CNBD1: variants seen among roughly 807,000 people sequenced by gnomAD.
CNBD1 encodes cyclic nucleotide binding domain containing 1.
Under a neutral mutation model 54.4 loss-of-function variants are expected in CNBD1, and 71 were observed. The observed-to-expected ratio is 1.30, with a 90% CI of 1.08 to 1.59. The LOEUF is 1.59. CNBD1 is among the 40% of genes most tolerant of loss of function. The probability of loss-of-function intolerance (pLI) is 0.00; values close to 1 mark genes in which losing one functional copy is unlikely to be tolerated. For synonymous variants in CNBD1, 182 were observed against 170.7 expected (o/e 1.07, Z -0.51); for missense variants, 659 against 518.0 (o/e 1.27, Z -2.64).
At chr8:87,055,855 C>T (rs1330889325) in intron 4 of CNBD1, among the ~76,000 whole-genome samples, 2 of 143,044 alleles carry the variant, frequency 1.4e-5, no homozygotes, top group Non-Finnish European at 3.1e-5. Context: ...CTTCCTCCCT[C>T]CCTCCCTCCT....
At chr8:87,148,952 A>G (rs1812544930) in intron 4 of CNBD1, among the ~76,000 whole-genome samples, 1 of 152,174 alleles carries the variant, frequency 6.6e-6, no homozygotes, top group African/African-American at 2.4e-5. Flanking sequence ...TGATGAAACA[A>G]TTCATTTCAC....
intron 4 of CNBD1, among the ~76,000 whole-genome samples, chr8:87,073,752 GC>G (rs1229731221): frequency 6.6e-6 from 1 of 152,056 alleles, no homozygotes; most frequent in Admixed American, 6.5e-5. Context: ...GTGTCTGGAG[GC>G]CCCCAATGAG....
At chr8:87,419,304 G>C (rs1807886506) in intron 2 of CNBD1, among the ~76,000 whole-genome samples, 1 of 151,836 alleles carries the variant, frequency 6.6e-6, no homozygotes, top group Non-Finnish European at 1.5e-5. Context: ...CTGAAAAGAA[G>C]TAGAGATGGA....
chr8:87,180,155 GA>G (rs897441456), intron 4 of CNBD1, among the ~76,000 whole-genome samples: 3 of 149,870 alleles, frequency 2.0e-5, no homozygotes, highest in Admixed American at 6.6e-5. Flanking sequence ...AATGCATATA[GA>G]AAAAAAAATA....
intron 1 of CNBD1, among the ~76,000 whole-genome samples, chr8:86,874,989 TATATATATATA>T (rs1563806943): frequency 2.5e-3 from 40 of 15,718 alleles, no homozygotes; most frequent in South Asian, 0.022. Context: ...AATCAATTTA[TATATATATATA>T]TATATATATA....
Position 87,015,343 on chromosome 8 carries a change from CA to C in CNBD1, c.431+75590del, listed in dbSNP as rs543163072. On this transcript the variant is annotated intron_variant, in intron 4 of 10. Transcript: ENST00000518476. ...TACTACAGGCACCTGCTACCATGCCCAGCTAACTTTTTTTTGTATTTTTAGT... is the reference window on the plus strand; with the variant it reads ...TACTACAGGCACCTGCTACCATGCCCGCTAACTTTTTTTTGTATTTTTAGT... Among the ~76,000 whole-genome samples the C allele has an allele frequency of 7.7e-3, 1,166 of 152,012 alleles. 16 individuals are homozygous for C. The highest frequency in any genetic ancestry group is 0.026 in the African/African-American group (1,065 of 41,466).
At chr8:86,957,031 T>C (rs1807790707) in intron 4 of CNBD1, among the ~76,000 whole-genome samples, 2 of 152,230 alleles carry the variant, frequency 1.3e-5, no homozygotes, top group Non-Finnish European at 2.9e-5. Context: ...TGAGAGTTTT[T>C]AGCATGAAGG....
chr8:87,357,843 T>A (rs1170797284), intron 10 of CNBD1, among the ~76,000 whole-genome samples: 1 of 152,148 alleles, frequency 6.6e-6, no homozygotes, highest in Non-Finnish European at 1.5e-5. Flanking sequence ...TGAAGGGTGA[T>A]CCTCATTGTT....
intron 4 of CNBD1, among the ~76,000 whole-genome samples, chr8:87,076,067 A>G (rs778383487): frequency 8.5e-5 from 13 of 152,198 alleles, no homozygotes; most frequent in Non-Finnish European, 1.2e-4. Flanking sequence ...AGCAATTTCA[A>G]TTATGTTTCT....
At chr8:86,925,218 C>T (rs897554765) in intron 3 of CNBD1, among the ~76,000 whole-genome samples, 2 of 152,080 alleles carry the variant, frequency 1.3e-5, no homozygotes, top group Non-Finnish European at 2.9e-5. Context: ...TGGAATTTGC[C>T]AACTTATATC....
chr8:87,179,452 T>A (rs1222955575), intron 4 of CNBD1, among the ~76,000 whole-genome samples: 2 of 152,190 alleles, frequency 1.3e-5, no homozygotes, highest in East Asian at 1.9e-4. Flanking sequence ...TAAATGTAGA[T>A]CTTCTACTCA....
chr8:87,236,890 T>TA, intron 5 of CNBD1, 29 bp from the exon 6 acceptor site: 1 of 1,452,630 alleles, frequency 6.9e-7, no homozygotes, highest in Non-Finnish European at 9.5e-7. Context: ...GAGCACACAG[T>TA]ATATATTTTT....
At chr8:87,376,489 T>C (rs557300936) in intron 10 of CNBD1, among the ~76,000 whole-genome samples, 2 of 152,052 alleles carry the variant, frequency 1.3e-5, no homozygotes, top group East Asian at 3.9e-4. Context: ...CCATGACACA[T>C]GCTAACTTTT....
chr8:87,295,817 A>T (rs1269127100), intron 8 of CNBD1, among the ~76,000 whole-genome samples: 1 of 152,182 alleles, frequency 6.6e-6, no homozygotes, highest in Non-Finnish European at 1.5e-5. Context: ...CAAACTTAAT[A>T]TATAAAAATA....
chr8:87,235,327 C>T (rs569868666), intron 5 of CNBD1, among the ~76,000 whole-genome samples: 35 of 152,240 alleles, frequency 2.3e-4, no homozygotes, highest in East Asian at 1.2e-3. Flanking sequence ...GTGTAAAAGG[C>T]GTAGTATTCA....
Position 87,094,807 on chromosome 8 carries a change from G to A in CNBD1, c.432-111186G>A, listed in dbSNP as rs945868310. Among the ~76,000 whole-genome samples the A allele has an allele frequency of 1.3e-4, 20 of 152,324 alleles. No individual in the cohort carries two copies. In the East Asian group the frequency reaches 3.7e-3, roughly 28 times the overall value. On this transcript the variant is annotated intron_variant, in intron 4 of 10. Coordinates refer to ENST00000518476, the MANE Select transcript of CNBD1 (RefSeq NM_173538.3). ...AATCCTAGCACTTTGGGAGGCCGAG[G>A]CAGGTGGATCACCTGAGGTCAGGAG...
chr8:87,389,246 G>C (rs964834817), intron 2 of CNBD1, among the ~76,000 whole-genome samples: 5 of 152,110 alleles, frequency 3.3e-5, no homozygotes, highest in African/African-American at 1.2e-4. Context: ...GGAAGTTCTG[G>C]CCAGGGCAAT....
chr8:87,348,633 G>C (rs1000945392), intron 8 of CNBD1, among the ~76,000 whole-genome samples: 1 of 152,110 alleles, frequency 6.6e-6, no homozygotes, highest in Non-Finnish European at 1.5e-5. Flanking sequence ...TTCCAAACCT[G>C]TTTTGGTATG....
chr8:87,389,710 C>A (rs1328102355), intron 2 of CNBD1, among the ~76,000 whole-genome samples: 1 of 152,166 alleles, frequency 6.6e-6, no homozygotes, highest in Non-Finnish European at 1.5e-5. Flanking sequence ...CCATCCCCAT[C>A]AAGATACCAA....
Sources: allele counts gnomAD v4.1 joint callset (sites outside exome capture counted in the v4.1 genomes callset), GRCh38; gene constraint gnomAD v4.1.1; transcripts MANE v1.5; gene names NCBI Gene and HGNC (gene_info 2026-07-23, HGNC 2026-07-21).